Variants in CLCN5 observed in about 807,000 individuals in gnomAD.
The protein encoded by CLCN5 is Cl-/H+ antiporter 5.
CLCN5 carries 17 observed loss-of-function variants against 54.0 expected under a neutral mutation model. The ratio of observed to expected loss-of-function variants is 0.31; its 90% CI spans 0.22 to 0.47. The LOEUF (loss-of-function observed/expected upper bound fraction) is 0.47. CLCN5 is among the 20% of genes least tolerant of loss of function. The pLI, the probability that CLCN5 is intolerant of heterozygous loss-of-function variation, is 1.00. For missense variants in CLCN5, 448 were observed against 646.7 expected (o/e 0.69, Z 3.33); for synonymous variants, 222 against 233.0 (o/e 0.95, Z 0.43).
intron 7 of CLCN5, 127 bp downstream of exon 7, chrX:50,076,109 AC>A (rs1329345400): frequency 6.6e-6 from 4 of 603,907 alleles, no homozygotes; most frequent in Non-Finnish European, 1.1e-5. Context: ...GGGAACCAGT[AC>A]CAGCTGCCTT....
At chrX:50,038,690 A>C (rs1025806544) in intron 3 of CLCN5, among the ~76,000 whole-genome samples, 6 of 111,803 alleles carry the variant, frequency 5.4e-5, no homozygotes, top group Admixed American at 1.9e-4. Context: ...TGTTTTTCCA[A>C]ATTTTGATTC....
chrX:49,959,056 A>G (rs1342251206), intron 3 of CLCN5, among the ~76,000 whole-genome samples: 12 of 110,362 alleles, frequency 1.1e-4, no homozygotes, highest in African/African-American at 4.0e-4. Flanking sequence ...TTTCTTCAAG[A>G]TCATGGGGGA....
At chrX:49,936,241 G>C (rs1007830060) in intron 3 of CLCN5, among the ~76,000 whole-genome samples, 3 of 111,827 alleles carry the variant, frequency 2.7e-5, no homozygotes, top group Non-Finnish European at 5.6e-5. Flanking sequence ...TGAACATGCT[G>C]ATGTACTGTG....
At chrX:49,972,335 T>C (rs1352016549) in intron 3 of CLCN5, among the ~76,000 whole-genome samples, 1 of 111,746 alleles carries the variant, frequency 8.9e-6, no homozygotes, top group Non-Finnish European at 1.9e-5. Context: ...ATTCTAATCT[T>C]CAAATTATTT....
intron 11 of CLCN5, 102 bp downstream of exon 11, chrX:50,086,972 C>A: frequency 1.3e-6 from 1 of 779,502 alleles, no homozygotes; most frequent in Non-Finnish European, 1.9e-6. Context: ...ATGGTGCTTT[C>A]AAATCCCCCT....
At chrX:49,989,309 A>G (rs1410125895) in intron 3 of CLCN5, among the ~76,000 whole-genome samples, 2 of 110,722 alleles carry the variant, frequency 1.8e-5, no homozygotes, top group African/African-American at 6.6e-5. Flanking sequence ...TTATTTTTCT[A>G]TAATTGTTCC....
In CLCN5 at chrX:50,068,042, T is replaced by C. The variant is rs940389733; in HGVS notation, c.164-1837T>C. ...TGGGGGCCTCATTTGATATATAGTGTATCATTAGATAGCTATCAGATGATT... is the reference window on the plus strand; with the variant it reads ...TGGGGGCCTCATTTGATATATAGTGCATCATTAGATAGCTATCAGATGATT... On this transcript the variant is annotated intron_variant, in intron 4 of 14. Transcript: ENST00000376091. The C allele has an allele frequency of 2.7e-5, 3 of 112,228 alleles. No homozygotes were observed. The Admixed American group carries it at 2.8e-4, about 11-fold the overall frequency. 9.2% of individuals were successfully genotyped at this position (112,228 alleles called of 1,213,427 possible).
intron 4 of CLCN5, among the ~76,000 whole-genome samples, chrX:50,052,304 C>A (rs1226736931): frequency 8.9e-6 from 1 of 111,890 alleles, no homozygotes; most frequent in Non-Finnish European, 1.9e-5. Context: ...GACTTTTCTT[C>A]TTTAGCCTAT....
At chrX:49,960,816 C>T (rs1557174562) in intron 3 of CLCN5, among the ~76,000 whole-genome samples, 1 of 110,770 alleles carries the variant, frequency 9.0e-6, no homozygotes, top group East Asian at 2.8e-4. Context: ...CATTTCCTAC[C>T]CCAAAATCTT....
At chrX:49,990,405 CACCCT>C (rs1325006094) in intron 3 of CLCN5, among the ~76,000 whole-genome samples, 4 of 109,426 alleles carry the variant, frequency 3.7e-5, no homozygotes. Flanking sequence ...ACTCCCCTCC[CACCCT>C]TCCCCACAAG....
In CLCN5 at chrX:50,093,348, C is replaced by T. The variant is rs782064304; in HGVS notation, c.*1129C>T. The T allele has an allele frequency of 6.2e-5, 7 of 112,160 alleles. No individual in the cohort carries two copies. The highest frequency in any genetic ancestry group is 1.3e-4 in the Non-Finnish European group (7 of 53,145). The allele number at this position is 112,160 out of a possible 1,213,427, so 9.2% of individuals were successfully genotyped here. ...TATGTGTAACAGGCCAGTGTGTTGTCCCCATGATCATGAATTAGGCTTGGG... is the reference window on the plus strand; with the variant it reads ...TATGTGTAACAGGCCAGTGTGTTGTTCCCATGATCATGAATTAGGCTTGGG... On this transcript the variant is annotated 3_prime_UTR_variant, in exon 15 of 15. Coordinates refer to ENST00000376091, the MANE Select transcript of CLCN5 (RefSeq NM_001127898.4).
chrX:50,060,478 A>C (rs1475514009), intron 4 of CLCN5, among the ~76,000 whole-genome samples: 2 of 108,126 alleles, frequency 1.8e-5, no homozygotes, highest in Non-Finnish European at 3.9e-5. Context: ...CCACGAGACT[A>C]TATCCCACAC....
intron 3 of CLCN5, among the ~76,000 whole-genome samples, chrX:50,015,231 G>A (rs1329013684): frequency 1.8e-5 from 2 of 110,472 alleles, no homozygotes; most frequent in African/African-American, 6.6e-5. Context: ...CAAATGATGG[G>A]GGCCAAAGAG....
chrX:50,035,206 G>A (rs1931935142), intron 3 of CLCN5, among the ~76,000 whole-genome samples: 1 of 111,629 alleles, frequency 9.0e-6, no homozygotes, highest in South Asian at 3.8e-4. Flanking sequence ...CCTAGCTGCT[G>A]TGTAATTGCA....
chrX:50,087,019 C>T (rs1200011630), intron 11 of CLCN5, 149 bp downstream of exon 11: 7 of 537,114 alleles, frequency 1.3e-5, no homozygotes, highest in Non-Finnish European at 1.8e-5. Context: ...TCTTTTACCC[C>T]ACACGTTCTC....
chrX:49,970,860 C>T (rs1417980806), intron 3 of CLCN5, among the ~76,000 whole-genome samples: 3 of 111,520 alleles, frequency 2.7e-5, no homozygotes, highest in Middle Eastern at 4.6e-3. Flanking sequence ...GCAGCTGCAG[C>T]ATTTTACATT....
rs1557192959 is a variant in CLCN5 at position 50,080,661 on chromosome X, C to A, written c.671C>A (p.Ala224Asp). 1 of 1,203,013 alleles carries A rather than the reference C, an allele frequency of 8.3e-7. No homozygotes were observed. The highest frequency in any genetic ancestry group is 1.1e-6 in the Non-Finnish European group (1 of 887,957). Reference protein sequence around the residue: ...VLWALLFAFLAVSLVKVFAPY... With the variant: ...VLWALLFAFLDVSLVKVFAPY... The stretch of plus-strand genomic sequence containing the variant: ...TGGGCTCTCCTATTTGCCTTCCTTG[C>A]CGTATCTCTTGTCAAGGTGTTTGCG... The change falls in exon 8 of 15, where the codon GCC (alanine) becomes GAC (aspartate). Residue 224 changes from alanine to aspartate, a missense_variant. Physicochemically the swap from Ala to Asp is moderately radical, Grantham distance 126. Transcript: ENST00000376091.
In CLCN5 at chrX:50,097,790, C is replaced by A. The variant is rs897427358; in HGVS notation, c.*5571C>A. On this transcript the variant is annotated 3_prime_UTR_variant, in exon 15 of 15. Coordinates refer to ENST00000376091, the MANE Select transcript of CLCN5 (RefSeq NM_001127898.4). ...ACAGGGCTTTGCTCCTCTGTGAGGG[C>A]CAAAGCCATTGATACTTGTCGGGGG... 3 of 111,782 alleles carry A rather than the reference C, an allele frequency of 2.7e-5. No individual in the cohort carries two copies. Among genetic ancestry groups the A allele is most frequent in the African/African-American group, 9.8e-5 (3 of 30,647 alleles). 9.2% of individuals were successfully genotyped at this position (111,782 alleles called of 1,213,427 possible).
intron 3 of CLCN5, chrX:50,003,090 T>G (rs1208694551): frequency 5.7e-6 from 2 of 349,063 alleles, no homozygotes; most frequent in East Asian, 1.5e-4. Context: ...GGCACAGTCA[T>G]AGAAGTCCAA....
Sources: gnomAD v4.1 joint callset for allele counts (sites outside exome capture counted in the v4.1 genomes callset) on GRCh38, gnomAD v4.1.1 for gene constraint, MANE v1.5 for transcripts, NCBI Gene and HGNC (gene_info 2026-07-23, HGNC 2026-07-21) for gene names.